TRAT1: variants seen among roughly 807,000 people sequenced by gnomAD.
TRAT1 encodes the protein T-cell receptor-associated transmembrane adapter 1.
A neutral mutation model predicts 20.0 loss-of-function variants in TRAT1; 20 were observed. That is an observed-to-expected ratio of 1.00 (90% CI 0.70 to 1.45). The LOEUF is 1.45. Among genes scored for constraint, TRAT1 ranks in the 40% most tolerant of loss-of-function variants. The probability of loss-of-function intolerance (pLI) is 0.00; values close to 1 mark genes in which losing one functional copy is unlikely to be tolerated. For missense variants in TRAT1, 237 were observed against 224.1 expected, an observed-to-expected ratio of 1.06 and a Z score of -0.37; for synonymous variants, 77 against 74.2, an observed-to-expected ratio of 1.04 and a Z score of -0.20.
At position 108,840,537 on chromosome 3, in the gene TRAT1, T is replaced by TAA. The variant is rs5851619; in HGVS notation, c.152+1584_152+1585dup. On this transcript the variant is annotated intron_variant, in intron 3 of 5. Transcript: ENST00000295756. ...CAGGCTTTTAGCTGTAGGGCAAATG[T>TAA]AAAAAAAAAAAAAAAGCTTTTATAA... 2.0e-3 allele frequency among the ~76,000 whole-genome samples: 273 copies of TAA among 137,146 alleles called. 1 individual carries two copies. The highest frequency in any genetic ancestry group is 0.011 in the East Asian group (54 of 4,890). The allele number at this position is 137,146 out of a possible 152,430, so 90.0% of individuals were successfully genotyped here.
chr3:108,833,603 AT>A (rs1945814148), intron 2 of TRAT1, among the ~76,000 whole-genome samples: 1 of 152,130 alleles, frequency 6.6e-6, no homozygotes, highest in Admixed American at 6.6e-5. Context: ...TTATTGATGT[AT>A]TTTTTAAATA....
chr3:108,835,183 A>G (rs2107509342), intron 2 of TRAT1, among the ~76,000 whole-genome samples: 1 of 152,264 alleles, frequency 6.6e-6, no homozygotes, highest in South Asian at 2.1e-4. Context: ...ATTCTTGTAC[A>G]TAGGAGGGTT....
At chr3:108,832,996 T>G (rs1196903990) in intron 2 of TRAT1, among the ~76,000 whole-genome samples, 2 of 152,164 alleles carry the variant, frequency 1.3e-5, no homozygotes, top group African/African-American at 2.4e-5. Context: ...CAATTCTCAT[T>G]TTTGGTAGTT....
chr3:108,852,152 G>A (rs1244516501), intron 5 of TRAT1, among the ~76,000 whole-genome samples: 3 of 152,156 alleles, frequency 2.0e-5, no homozygotes, highest in Admixed American at 6.5e-5. Context: ...AGGCCGAGGC[G>A]GGCGGATCAC....
intron 3 of TRAT1, among the ~76,000 whole-genome samples, chr3:108,843,473 T>C (rs1161375617): frequency 6.6e-6 from 1 of 152,084 alleles, no homozygotes; most frequent in African/African-American, 2.4e-5. Context: ...GAGGTTGCAG[T>C]GAGCCAAGAT....
intron 2 of TRAT1, among the ~76,000 whole-genome samples, chr3:108,834,845 G>C (rs1031301999): frequency 6.6e-6 from 1 of 152,212 alleles, no homozygotes; most frequent in Non-Finnish European, 1.5e-5. Context: ...GATGTTTTCT[G>C]TAGCAGCTAG....
chr3:108,852,857 G>A (rs182526456), intron 5 of TRAT1, among the ~76,000 whole-genome samples: 13 of 152,342 alleles, frequency 8.5e-5, no homozygotes, highest in African/African-American at 3.1e-4. Context: ...CTGGGATTCA[G>A]TCGTAGTCTT....
intron 5 of TRAT1, 103 bp from the exon 6 acceptor site, chr3:108,853,517 G>T: frequency 7.2e-7 from 1 of 1,393,108 alleles, no homozygotes. Flanking sequence ...AGGTAGGTGA[G>T]GCCTAGAAAA....
intron 3 of TRAT1, among the ~76,000 whole-genome samples, chr3:108,844,668 C>A (rs1397548931): frequency 6.6e-6 from 1 of 150,956 alleles, no homozygotes; most frequent in South Asian, 2.1e-4. Flanking sequence ...CACGGTGAAA[C>A]CCCGTCTCTA....
At chr3:108,838,603 T>A (rs1945862527) in intron 2 of TRAT1, among the ~76,000 whole-genome samples, 1 of 152,192 alleles carries the variant, frequency 6.6e-6, no homozygotes, top group African/African-American at 2.4e-5. Flanking sequence ...TCCAGCTCTC[T>A]CTGCTTAGTG....
chr3:108,839,382 C>T lies in TRAT1; in HGVS notation c.152+415C>T, dbSNP rs187143605. ...GGCACGGTGGTTCATGCCTGTAATCCCAGCACTTTGGGAGGCCGAGGCAGG... is the reference window on the plus strand; with the variant it reads ...GGCACGGTGGTTCATGCCTGTAATCTCAGCACTTTGGGAGGCCGAGGCAGG... On this transcript the variant is annotated intron_variant, in intron 3 of 5. Coordinates refer to ENST00000295756, the MANE Select transcript of TRAT1 (RefSeq NM_016388.4). The T allele has an allele frequency of 8.6e-3, 1,330 of 155,078 alleles. 20 individuals carry two copies. Among genetic ancestry groups the T allele is most frequent in the African/African-American group, 0.03 (1,230 of 41,560 alleles). The allele number at this position is 155,078 out of a possible 1,614,324, so 9.6% of individuals were successfully genotyped here.
chr3:108,848,343 A>G (rs1188839190), intron 4 of TRAT1, among the ~76,000 whole-genome samples: 1 of 152,204 alleles, frequency 6.6e-6, no homozygotes, highest in Non-Finnish European at 1.5e-5. Flanking sequence ...GAAAGAGCTC[A>G]ATGATTATTA....
chr3:108,829,164 C>T (rs999625438), intron 1 of TRAT1, among the ~76,000 whole-genome samples: 11 of 152,108 alleles, frequency 7.2e-5, no homozygotes, highest in African/African-American at 2.4e-4. Context: ...TTAACCAATG[C>T]GACTCCCTGG....
intron 3 of TRAT1, among the ~76,000 whole-genome samples, chr3:108,842,037 T>C (rs1945901039): frequency 6.6e-6 from 1 of 152,214 alleles, no homozygotes; most frequent in Non-Finnish European, 1.5e-5. Flanking sequence ...AGCTGCTGTT[T>C]TATTGAATAA....
At chr3:108,843,620 T>C (rs780217876) in intron 3 of TRAT1, among the ~76,000 whole-genome samples, 1 of 152,230 alleles carries the variant, frequency 6.6e-6, no homozygotes. Flanking sequence ...TTTTCTCTTT[T>C]ACAAGAAAAC....
At chr3:108,827,120 C>T (rs1391411980) in intron 1 of TRAT1, among the ~76,000 whole-genome samples, 2 of 152,092 alleles carry the variant, frequency 1.3e-5, no homozygotes, top group African/African-American at 2.4e-5. Flanking sequence ...TCGAGTTCTT[C>T]GGCTTTTTAA....
At chr3:108,852,613 C>T (rs1160988607) in intron 5 of TRAT1, among the ~76,000 whole-genome samples, 1 of 152,182 alleles carries the variant, frequency 6.6e-6, no homozygotes, top group Non-Finnish European at 1.5e-5. Context: ...AAGAGTAATG[C>T]TTAATACATA....
At chr3:108,833,587 TTGCA>T (rs1289810272) in intron 2 of TRAT1, among the ~76,000 whole-genome samples, 1 of 152,142 alleles carries the variant, frequency 6.6e-6, no homozygotes, top group Non-Finnish European at 1.5e-5. Context: ...GAACAATAAA[TTGCA>T]TTTATTGATG....
chr3:108,850,910 C>G (rs546824737), intron 5 of TRAT1, among the ~76,000 whole-genome samples: 10 of 152,316 alleles, frequency 6.6e-5, no homozygotes, highest in African/African-American at 2.4e-4. Flanking sequence ...TGACCTGCAT[C>G]TGGCTTTCAC....
Sources: gnomAD v4.1 joint callset for allele counts (sites outside exome capture counted in the v4.1 genomes callset) on GRCh38, gnomAD v4.1.1 for gene constraint, MANE v1.5 for transcripts, NCBI Gene and HGNC (gene_info 2026-07-23, HGNC 2026-07-21) for gene names.